The following ST8SIA6 variants were observed in gnomAD, a reference collection of about 807,000 sequenced individuals.
ST8SIA6 encodes the protein alpha-2,8-sialyltransferase 8F.
In ST8SIA6, 39 loss-of-function variants were observed where a neutral mutation model predicts 33.6. That is an observed-to-expected ratio of 1.16 (90% confidence interval 0.90 to 1.52). The LOEUF (loss-of-function observed/expected upper bound fraction) is 1.52. ST8SIA6 is among the 40% of genes most tolerant of loss of function. The pLI is 0.00. For missense variants in ST8SIA6, 441 were observed against 443.8 expected (o/e 0.99, Z 0.06); for synonymous variants, 172 against 167.2 (o/e 1.03, Z -0.22).
At position 17,320,607 on chromosome 10, in the gene ST8SIA6, C is replaced by A; in HGVS notation, c.*271G>T. 2 of 422,744 alleles carry A rather than the reference C, an allele frequency of 4.7e-6. No homozygotes were observed. The highest frequency in any genetic ancestry group is 8.5e-6 in the Non-Finnish European group (2 of 235,018). 26.2% of individuals were successfully genotyped at this position (422,744 alleles called of 1,614,324 possible). On this transcript the variant is annotated 3_prime_UTR_variant, in exon 8 of 8. Transcript: ENST00000377602. Reference sequence around the variant, plus strand: ...TAAGAAAGAAATATTCTTTGAGTCCCTACCTCACACCAAAGGCCATGCCAA... The same window carrying A: ...TAAGAAAGAAATATTCTTTGAGTCCATACCTCACACCAAAGGCCATGCCAA...
At chr10:17,391,626 T>C (rs1291585786) in intron 2 of ST8SIA6, among the ~76,000 whole-genome samples, 2 of 152,184 alleles carry the variant, frequency 1.3e-5, no homozygotes, top group Non-Finnish European at 2.9e-5. Context: ...TCATTAACTC[T>C]CTCCATAATG....
chr10:17,384,281 G>A (rs913886322), intron 3 of ST8SIA6, among the ~76,000 whole-genome samples: 2 of 152,104 alleles, frequency 1.3e-5, no homozygotes, highest in Admixed American at 6.5e-5. Context: ...CACGAAACTC[G>A]TAAGTATTTG....
rs550744318 is a variant in ST8SIA6 at position 17,393,552 on chromosome 10, T to C, written c.201-2932A>G. 2.0e-5 allele frequency among the ~76,000 whole-genome samples: 3 copies of C among 152,248 alleles called. No individual in the cohort carries two copies. The South Asian group carries it at 6.2e-4, about 32-fold the overall frequency. ...AGAGCTGGTCACATGCCCCACCTGATTGCAACGTGGGAGTCAGAAATGAGC... is the reference window on the plus strand; with the variant it reads ...AGAGCTGGTCACATGCCCCACCTGACTGCAACGTGGGAGTCAGAAATGAGC... On this transcript the variant is annotated intron_variant, in intron 2 of 7. Transcript: ENST00000377602.
intron 3 of ST8SIA6, among the ~76,000 whole-genome samples, chr10:17,379,585 A>C (rs1850056293): frequency 2.0e-5 from 3 of 152,192 alleles, no homozygotes; most frequent in Admixed American, 2.0e-4. Flanking sequence ...CTAATCAGAA[A>C]CTCAAAAGAA....
At position 17,371,114 on chromosome 10, in the gene ST8SIA6, A is replaced by G. The variant is rs1849718110; in HGVS notation, c.291-11514T>C. 3.3e-5 allele frequency among the ~76,000 whole-genome samples: 5 copies of G among 152,204 alleles called. No homozygotes were observed. In the South Asian group the frequency reaches 1.0e-3, roughly 31 times the overall value. On this transcript the variant is annotated intron_variant, in intron 3 of 7. Coordinates refer to ENST00000377602, the MANE Select transcript of ST8SIA6 (RefSeq NM_001004470.3). The stretch of plus-strand genomic sequence containing the variant: ...TTATAGATGGGACATGGTATGGCTA[A>G]AAAGAGAGGAATCAAGGATAACTTC...
intron 6 of ST8SIA6, among the ~76,000 whole-genome samples, chr10:17,325,442 ATTATATATT>A (rs1848101617): frequency 1.3e-5 from 1 of 77,454 alleles, no homozygotes. Flanking sequence ...TATATATGTG[ATTATATATT>A]TTACTACTAC....
intron 3 of ST8SIA6, among the ~76,000 whole-genome samples, chr10:17,370,719 T>C (rs1319010911): frequency 1.3e-5 from 2 of 152,236 alleles, no homozygotes; most frequent in Non-Finnish European, 2.9e-5. Context: ...GTCATTTCTA[T>C]AGCACAGTAT....
intron 3 of ST8SIA6, among the ~76,000 whole-genome samples, chr10:17,376,470 G>A (rs1302721360): frequency 4.6e-5 from 7 of 152,072 alleles, no homozygotes; most frequent in Admixed American, 4.6e-4. Context: ...GGACTCTTGG[G>A]GGAAATGAAA....
At chr10:17,451,974 T>C (rs1217274674) in intron 2 of ST8SIA6, among the ~76,000 whole-genome samples, 1 of 151,900 alleles carries the variant, frequency 6.6e-6, no homozygotes, top group African/African-American at 2.4e-5. Flanking sequence ...AAGTGAAAAA[T>C]TCATCAAAGA....
intron 3 of ST8SIA6, among the ~76,000 whole-genome samples, chr10:17,379,275 CAGAG>C (rs1448040991): frequency 6.6e-6 from 1 of 151,782 alleles, no homozygotes; most frequent in Non-Finnish European, 1.5e-5. Context: ...GGGAGAGAGG[CAGAG>C]AGAGGGAAAG....
intron 3 of ST8SIA6, among the ~76,000 whole-genome samples, chr10:17,372,738 T>G (rs1849776832): frequency 1.3e-5 from 2 of 152,234 alleles, no homozygotes; most frequent in South Asian, 2.1e-4. Context: ...TGTAACAAAT[T>G]ACTCCAAAAC....
intron 2 of ST8SIA6, among the ~76,000 whole-genome samples, chr10:17,448,351 T>C (rs1284116412): frequency 6.6e-6 from 1 of 152,216 alleles, no homozygotes; most frequent in South Asian, 2.1e-4. Flanking sequence ...GCAGTTGCTG[T>C]CCAGGACGTC....
chr10:17,391,464 A>G (rs1172445873), intron 2 of ST8SIA6, among the ~76,000 whole-genome samples: 3 of 150,818 alleles, frequency 2.0e-5, no homozygotes, highest in African/African-American at 7.3e-5. Context: ...GGGTTTCAGC[A>G]TGTTAGCCAG....
At chr10:17,391,167 T>C (rs1850591404) in intron 2 of ST8SIA6, among the ~76,000 whole-genome samples, 1 of 152,086 alleles carries the variant, frequency 6.6e-6, no homozygotes, top group Admixed American at 6.5e-5. Flanking sequence ...CTTTGAGGAC[T>C]TTATACTGGC....
At chr10:17,328,149 A>C (rs12241204) in intron 5 of ST8SIA6, among the ~76,000 whole-genome samples, 3,163 of 152,286 alleles carry the variant, frequency 0.021, 76 homozygotes, top group East Asian at 0.085. Context: ...TAAAGAAATT[A>C]GGAAGCAGCA....
At chr10:17,404,730 A>G (rs891407324) in intron 2 of ST8SIA6, among the ~76,000 whole-genome samples, 3 of 151,986 alleles carry the variant, frequency 2.0e-5, no homozygotes, top group African/African-American at 7.3e-5. Context: ...TTGCCTATAA[A>G]TCCCCACCTT....
chr10:17,417,925 A>G (rs1851654643), intron 2 of ST8SIA6, among the ~76,000 whole-genome samples: 1 of 152,204 alleles, frequency 6.6e-6, no homozygotes, highest in Non-Finnish European at 1.5e-5. Context: ...GTGAGGAGGT[A>G]GGGGAGGGAG....
At chr10:17,402,538 A>T (rs1851085737) in intron 2 of ST8SIA6, among the ~76,000 whole-genome samples, 1 of 152,262 alleles carries the variant, frequency 6.6e-6, no homozygotes, top group African/African-American at 2.4e-5. Context: ...CCAAATGTCC[A>T]TCAGTGATAG....
At chr10:17,450,883 A>AACAC (rs569111312) in intron 2 of ST8SIA6, among the ~76,000 whole-genome samples, 1 of 151,134 alleles carries the variant, frequency 6.6e-6, no homozygotes, top group African/African-American at 2.4e-5. Context: ...TGAATATTTG[A>AACAC]ACACACACAC....
Sources: allele counts gnomAD v4.1 joint callset (sites outside exome capture counted in the v4.1 genomes callset), GRCh38; gene constraint gnomAD v4.1.1; transcripts MANE v1.5; gene names NCBI Gene and HGNC (gene_info 2026-07-23, HGNC 2026-07-21).